The following GLIS3 variants were observed in gnomAD, a reference collection of about 807,000 sequenced individuals.
GLIS3 encodes the protein zinc finger protein GLIS3.
Under a neutral mutation model 78.6 loss-of-function variants are expected in GLIS3, and 53 were observed. The ratio of observed to expected loss-of-function variants is 0.67; its 90% CI spans 0.54 to 0.85. The LOEUF is 0.85. GLIS3 is among the 40% of genes least tolerant of loss of function. The pLI, the probability that GLIS3 is intolerant of heterozygous loss-of-function variation, is 0.00. For synonymous variants in GLIS3, 684 were observed against 509.9 expected (o/e 1.34, Z -4.60); for missense variants, 1,703 against 1,231.1 (o/e 1.38, Z -5.74).
chr9:4,033,043 CG>C (rs1208769081), intron 4 of GLIS3, among the ~76,000 whole-genome samples: 3 of 151,962 alleles, frequency 2.0e-5, no homozygotes, highest in Non-Finnish European at 2.9e-5. Context: ...TTAGTAGAGA[CG>C]GGGTTTCACC....
At chr9:4,172,923 T>C (rs2131136742) in intron 2 of GLIS3, among the ~76,000 whole-genome samples, 1 of 152,306 alleles carries the variant, frequency 6.6e-6, no homozygotes, top group Non-Finnish European at 1.5e-5. Context: ...GCAGGCCAGA[T>C]GGTTGGTTGC....
intron 2 of GLIS3, among the ~76,000 whole-genome samples, chr9:4,237,721 T>G (rs1246717981): frequency 6.6e-6 from 1 of 152,202 alleles, no homozygotes; most frequent in Non-Finnish European, 1.5e-5. Flanking sequence ...GCCTTTTGTT[T>G]TGCAGTATTT....
intron 2 of GLIS3, among the ~76,000 whole-genome samples, chr9:4,215,282 A>G (rs1820716406): frequency 6.6e-6 from 1 of 152,074 alleles, no homozygotes. Context: ...GTTATTGGCC[A>G]CAGTTTTGCC....
intron 4 of GLIS3, among the ~76,000 whole-genome samples, chr9:4,078,848 G>A (rs1490289326): frequency 1.3e-5 from 2 of 152,256 alleles, no homozygotes; most frequent in South Asian, 2.1e-4. Flanking sequence ...CTCAGAGAGG[G>A]CATTGGATCA....
intron 2 of GLIS3, among the ~76,000 whole-genome samples, chr9:4,154,893 C>T (rs1347378013): frequency 6.6e-6 from 1 of 152,126 alleles, no homozygotes; most frequent in Admixed American, 6.6e-5. Context: ...GCAAACTTGA[C>T]TAAACAAATT....
At chr9:3,933,957 G>A (rs1050542656) in intron 5 of GLIS3, among the ~76,000 whole-genome samples, 18 of 152,148 alleles carry the variant, frequency 1.2e-4, no homozygotes, top group Non-Finnish European at 2.4e-4. Flanking sequence ...TTCATTGATT[G>A]ACTGACTGTT....
At chr9:3,970,802 A>T (rs1368323869) in intron 4 of GLIS3, among the ~76,000 whole-genome samples, 1 of 152,182 alleles carries the variant, frequency 6.6e-6, no homozygotes, top group South Asian at 2.1e-4. Flanking sequence ...GAAGCTGGCA[A>T]TTGAAGAGAG....
chr9:3,832,238 GTA>G (rs1437487301), intron 9 of GLIS3, among the ~76,000 whole-genome samples: 2 of 149,662 alleles, frequency 1.3e-5, no homozygotes, highest in Admixed American at 6.7e-5. Context: ...AAATTACATA[GTA>G]TATATGTTTG....
chr9:4,046,159 G>A (rs940096573), intron 4 of GLIS3, among the ~76,000 whole-genome samples: 1 of 152,110 alleles, frequency 6.6e-6, no homozygotes, highest in Non-Finnish European at 1.5e-5. Context: ...AAATTATAGA[G>A]GGGGGTGTAA....
intron 2 of GLIS3, among the ~76,000 whole-genome samples, chr9:4,143,701 C>T (rs9298994): frequency 0.38 from 58,536 of 152,114 alleles, 11,566 homozygotes; most frequent in Non-Finnish European, 0.41. Flanking sequence ...ACTGAAACTT[C>T]GTACTCTTTG....
intron 2 of GLIS3, among the ~76,000 whole-genome samples, chr9:4,330,799 G>A (rs982232818): frequency 5.3e-5 from 8 of 152,142 alleles, no homozygotes; most frequent in South Asian, 2.1e-4. Flanking sequence ...TAGAAAAAAT[G>A]CAATCGATGC....
At chr9:4,250,724 T>A (rs1479589374) in intron 2 of GLIS3, among the ~76,000 whole-genome samples, 3 of 152,214 alleles carry the variant, frequency 2.0e-5, no homozygotes, top group Admixed American at 1.3e-4. Context: ...TTTTAAATCT[T>A]TCCCACCTTC....
At chr9:4,164,127 C>T (rs762065584) in intron 2 of GLIS3, among the ~76,000 whole-genome samples, 5 of 152,218 alleles carry the variant, frequency 3.3e-5, no homozygotes, top group African/African-American at 9.6e-5. Context: ...CCACATTTAA[C>T]TGCCTCCTTC....
chr9:4,137,406 G>A (rs922226062), intron 2 of GLIS3, among the ~76,000 whole-genome samples: 1 of 152,144 alleles, frequency 6.6e-6, no homozygotes. Flanking sequence ...ATTCAGGAAT[G>A]CTGTCCACCA....
rs146067479 is a variant in GLIS3, at chr9:4,118,781, C to T, written c.697G>A (p.Ala233Thr). The T allele has an allele frequency of 9.9e-6, 16 of 1,612,098 alleles. No individual in the cohort carries two copies. The highest frequency in any genetic ancestry group is 1.3e-5 in the African/African-American group (1 of 75,018). ...CCGTGGTTGGAGAGCGAAGGGAGGG[C>T]CCTGTAGCCCTGGGACCACTCCTGC... ...MKQEWSQGYRALPSLSNHGSQ... is the reference protein window; with the variant it reads ...MKQEWSQGYRTLPSLSNHGSQ... The change falls in exon 4 of 11, where the codon GCC (alanine) becomes ACC (threonine). Residue 233 changes from alanine (A) to threonine (T), a missense_variant. Coordinates refer to ENST00000381971, the MANE Select transcript of GLIS3 (RefSeq NM_001042413.2). The surrounding 1 kb of genome is among the most constrained non-coding windows in gnomAD (Gnocchi z 4.7).
intron 4 of GLIS3, among the ~76,000 whole-genome samples, chr9:3,971,331 G>A (rs1418724339): frequency 2.0e-5 from 3 of 152,110 alleles, no homozygotes; most frequent in Non-Finnish European, 4.4e-5. Context: ...CTTTAATGGT[G>A]TCACTGGCAC....
the GLIS3 span, among the ~76,000 whole-genome samples, chr9:4,422,485 G>A: frequency 1.3e-5 from 2 of 152,226 alleles, no homozygotes; most frequent in South Asian, 4.1e-4. Context: ...GCTACCCCCA[G>A]GAGTCTAGTG....
intron 4 of GLIS3, among the ~76,000 whole-genome samples, chr9:3,950,645 C>T (rs1178115027): frequency 6.6e-6 from 1 of 152,254 alleles, no homozygotes; most frequent in South Asian, 2.1e-4. Context: ...AAAGCATTCT[C>T]TGTCCCAGTG....
chr9:4,121,620 GACACACAC>G (rs767610111), intron 3 of GLIS3, among the ~76,000 whole-genome samples: 21 of 142,216 alleles, frequency 1.5e-4, no homozygotes, highest in South Asian at 4.6e-4. Context: ...TTCTCCCAGT[GACACACAC>G]ACACACACAC....
Sources: allele counts gnomAD v4.1 joint callset (sites outside exome capture counted in the v4.1 genomes callset), GRCh38; gene constraint gnomAD v4.1.1; non-coding constraint Gnocchi (gnomAD v3.1); transcripts MANE v1.5; gene names NCBI Gene and HGNC (gene_info 2026-07-23, HGNC 2026-07-21).